LTBP4: variants seen among roughly 807,000 people sequenced by gnomAD.
The protein encoded by LTBP4 is latent-transforming growth factor beta-binding protein 4.
A neutral mutation model predicts 180.2 loss-of-function variants in LTBP4; 93 were observed. The observed-to-expected ratio is 0.52, with a 90% CI of 0.44 to 0.61. The LOEUF is 0.61. Among genes scored for constraint, LTBP4 ranks in the 20% least tolerant of loss-of-function variants. LTBP4 has a pLI of 0.00. For synonymous variants in LTBP4, 947 were observed against 934.5 expected, an observed-to-expected ratio of 1.01 and a Z score of -0.24; for missense variants, 2,116 against 2,256.5, an observed-to-expected ratio of 0.94 and a Z score of 1.26.
At chr19:40,593,269 G>A (rs1339875251) in intron 1 of LTBP4, 4 of 1,517,698 alleles carry the variant, frequency 2.6e-6, no homozygotes. Context: ...TTGAGACAGG[G>A]TCTTGCTTTG....
Position 40,622,345 on chromosome 19 carries a change from T to C in LTBP4, c.3218-56T>C. 6.9e-7 allele frequency: 1 copy of C among 1,452,244 alleles called. No individual in the cohort carries two copies. Among genetic ancestry groups the C allele is most frequent in the Non-Finnish European group, 9.1e-7 (1 of 1,093,214 alleles). The allele number at this position is 1,452,244 out of a possible 1,614,324, so 90.0% of individuals were successfully genotyped here. A position where few individuals can be genotyped will look rare whatever the true frequency, so the allele number is the denominator to read the frequency against. ...CCAGCCTCAGTTTCCCCATCTATGA[T>C]AGTGGCGGGGCTGGGGATTCAGCCC... On this transcript the variant is annotated intron_variant, in intron 22 of 29. Coordinates refer to ENST00000396819, the MANE Select transcript of LTBP4 (RefSeq NM_001042545.2). The surrounding 1 kb of genome is among the most constrained non-coding windows in gnomAD (Gnocchi z 5.1).
chr19:40,623,105 A>C (rs1599876341), intron 24 of LTBP4, 84 bp downstream of exon 24: 1 of 1,010,520 alleles, frequency 9.9e-7, no homozygotes, highest in Non-Finnish European at 1.4e-6. Flanking sequence ...TCTGTCTCTC[A>C]CCCTTTCTGT....
At chr19:40,614,478 C>T in intron 19 of LTBP4, 32 bp downstream of exon 19, 1 of 1,589,256 alleles carries the variant, frequency 6.3e-7, no homozygotes, top group Non-Finnish European at 8.5e-7. Flanking sequence ...TTCGCTAGCG[C>T]TTGCAACGCG....
chr19:40,614,277 C>T, intron 18 of LTBP4, 38 bp from the exon 19 acceptor site: 1 of 1,586,334 alleles, frequency 6.3e-7, no homozygotes, highest in Non-Finnish European at 8.6e-7. Flanking sequence ...TCTTGCCTCC[C>T]TGCTTCCCAC....
rs978561464 is a variant in LTBP4, at chr19:40,621,841, G to A, written c.3218-560G>A. ...TCGGCTCACTGCAACTTCCGCTCCC[G>A]GGTTCAAGCGATTCTCCTGCCTCAG... On this transcript the variant is annotated intron_variant, in intron 22 of 29. Transcript: ENST00000396819. 8.6e-5 allele frequency among the ~76,000 whole-genome samples: 13 copies of A among 151,450 alleles called. No homozygotes were observed. The South Asian group carries it at 1.3e-3, about 15-fold the overall frequency.
rs759088217 is a variant in LTBP4 at position 40,619,373 on chromosome 19, G to A, written c.3097G>A (p.Gly1033Ser). The change falls in exon 22 of 30, where the codon GGT becomes AGT. Residue 1033 changes from glycine (G) to serine (S), a missense_variant. Gly to Ser is a moderately conservative substitution (Grantham distance 56, BLOSUM62 0). Around this residue, in one of 5 missense-constraint regions of LTBP4, gnomAD observed 278 missense variants for 373.0 expected, o/e 0.75. Transcript: ENST00000396819. The stretch of plus-strand genomic sequence containing the variant: ...TGTGAACGAGTGTGAAACACTACAG[G>A]GTGTATGTGGAGCTGCCCTGTGTGA... The part of the protein sequence containing the change: ...VDVNECETLQ[G>S]VCGAALCENV... 7.4e-6 allele frequency: 12 copies of A among 1,613,782 alleles called. No individual in the cohort carries two copies. The South Asian group carries it at 9.9e-5, about 13-fold the overall frequency.
At chr19:40,610,234 G>C (rs1359360060) in intron 11 of LTBP4, 1 of 486,660 alleles carries the variant, frequency 2.1e-6, no homozygotes, top group African/African-American at 2.0e-5. Flanking sequence ...CCGCGACCCC[G>C]ATTCCAACCC....
Position 40,622,762 on chromosome 19 carries a change from C to T in LTBP4, c.3484+95C>T. The T allele has an allele frequency of 1.4e-6, 2 of 1,470,144 alleles. No homozygotes were observed. The highest frequency in any genetic ancestry group is 1.3e-5 in the South Asian group (1 of 74,786). 91.1% of individuals were successfully genotyped at this position (1,470,144 alleles called of 1,614,324 possible). ...GGACAGGGGACACTTTTGGACAGGGCCTTGAGGTACTAGTACTGTCAGGGC... is the reference window on the plus strand; with the variant it reads ...GGACAGGGGACACTTTTGGACAGGGTCTTGAGGTACTAGTACTGTCAGGGC... On this transcript the variant is annotated intron_variant, in intron 23 of 29. Coordinates refer to ENST00000396819, the MANE Select transcript of LTBP4 (RefSeq NM_001042545.2). This position sits in a 1 kb window ranked among gnomAD's most constrained non-coding sequence, Gnocchi z 5.1.
intron 12 of LTBP4, 130 bp downstream of exon 12, chr19:40,610,787 G>C: frequency 2.2e-6 from 3 of 1,361,776 alleles, no homozygotes; most frequent in Non-Finnish European, 2.9e-6. Flanking sequence ...CTCTCGAGCA[G>C]ACGTGTGGCC....
Position 40,623,711 on chromosome 19 carries a change from A to C in LTBP4, c.3664A>C (p.Thr1222Pro), listed in dbSNP as rs751207902. ...CYCSNGYYYHTQRLECIDNDE... is the reference protein window; with the variant it reads ...CYCSNGYYYHPQRLECIDNDE... The stretch of plus-strand genomic sequence containing the variant: ...TTGCAGCAACGGCTACTACTACCAC[A>C]CACAGCGGCTGGAGTGCATCGGTAC... Residue 1222 changes from threonine to proline, a missense_variant, in exon 25 of 30, where the codon ACA (threonine) becomes CCA (proline). Coordinates refer to ENST00000396819, the MANE Select transcript of LTBP4 (RefSeq NM_001042545.2). 2 of 1,613,684 alleles carry C rather than the reference A, an allele frequency of 1.2e-6. No homozygotes were observed. The highest frequency in any genetic ancestry group is 3.3e-5 in the Admixed American group (2 of 59,982).
Position 40,601,552 on chromosome 19 carries a change from C to T in LTBP4, c.165C>T (p.Thr55=). 2.7e-6 allele frequency: 4 copies of T among 1,480,278 alleles called. No individual in the cohort carries two copies. The highest frequency in any genetic ancestry group is 1.5e-5 in the African/African-American group (1 of 68,372). 91.7% of individuals were successfully genotyped at this position (1,480,278 alleles called of 1,614,324 possible). Residue 55 remains threonine, a synonymous_variant, in exon 1 of 30, where the codon ACC becomes ACT. Transcript: ENST00000396819. ...ATGGGCCGACCGGCTCCCGCTGTAC[C>T]CCGACCTGCGCGCCCCGCAACGCCA... ...CVHGPTGSRC[T]PTCAPRNATS...
At chr19:40,610,680 T>C in intron 12 of LTBP4, 23 bp downstream of exon 12, 1 of 1,568,978 alleles carries the variant, frequency 6.4e-7, no homozygotes, top group Non-Finnish European at 8.6e-7. Flanking sequence ...GAGGGGCAGC[T>C]GGGAAGGGGT....
At position 40,609,828 on chromosome 19, in the gene LTBP4, C is replaced by A. The variant is rs751337529; in HGVS notation, c.1641C>A (p.Cys547Ter). 6.2e-7 allele frequency: 1 copy of A among 1,602,766 alleles called. No homozygotes were observed. The highest frequency in any genetic ancestry group is 1.1e-5 in the South Asian group (1 of 90,292). ...ENSPGSFRCV[C>*]GPGFRAGPRA... ...CACCAGGCAGCTTCCGCTGCGTGTG[C>A]GGCCCGGGCTTCCGAGCCGGCCCAC... Residue 547 changes from cysteine to a stop codon, truncating the protein, a stop_gained, in exon 11 of 30, where the codon TGC becomes TGA. Coordinates refer to ENST00000396819, the MANE Select transcript of LTBP4 (RefSeq NM_001042545.2). LOFTEE classifies it high-confidence loss of function. This position sits in a 1 kb window ranked among gnomAD's most constrained non-coding sequence, Gnocchi z 4.9.
Position 40,629,065 on chromosome 19 carries a change from G to C in LTBP4, c.4520-331G>C, listed in dbSNP as rs575742402. Among the ~76,000 whole-genome samples, 5 of 152,074 alleles carry C rather than the reference G, an allele frequency of 3.3e-5. No individual in the cohort carries two copies. The highest frequency in any genetic ancestry group is 1.2e-4 in the African/African-American group (5 of 41,504). On this transcript the variant is annotated intron_variant, in intron 29 of 29. Transcript: ENST00000396819. This position sits in a 1 kb window ranked among gnomAD's most constrained non-coding sequence, Gnocchi z 4.5. ...GGGTCTCACCATGTTGGCCAGGTTC[G>C]TCTCGAACTCCGGCCTCAAGTGATC... is the stretch of plus-strand genomic sequence containing the variant.
intron 15 of LTBP4, among the ~76,000 whole-genome samples, chr19:40,612,580 T>C (rs914929762): frequency 6.6e-6 from 1 of 152,166 alleles, no homozygotes; most frequent in Admixed American, 6.5e-5. Flanking sequence ...GTCCTATCTC[T>C]TTCACAGCCC....
At chr19:40,594,406 C>T (rs945512012) in intron 1 of LTBP4, 2 of 151,678 alleles carry the variant, frequency 1.3e-5, no homozygotes, top group Admixed American at 6.6e-5. Context: ...CTGGGGACTC[C>T]AAATTCTAGG....
chr19:40,601,876 G>A (rs1332320558), intron 1 of LTBP4, among the ~76,000 whole-genome samples: 1 of 152,072 alleles, frequency 6.6e-6, no homozygotes, highest in Non-Finnish European at 1.5e-5. Flanking sequence ...CCCACGTGAG[G>A]GAATTGGCGC....
chr19:40,614,061 G>A (rs1385813572), intron 18 of LTBP4, 23 bp downstream of exon 18: 2 of 1,610,208 alleles, frequency 1.2e-6, no homozygotes, highest in Non-Finnish European at 1.7e-6. Flanking sequence ...GCCCCGGCCT[G>A]ATCCCTCCTC....
At chr19:40,614,206 C>T in intron 18 of LTBP4, 109 bp from the exon 19 acceptor site, 2 of 1,470,910 alleles carry the variant, frequency 1.4e-6, no homozygotes, top group Non-Finnish European at 1.9e-6. Context: ...TTCTCCTGCC[C>T]TCTCCTCTGC....
Sources: allele counts gnomAD v4.1 joint callset (sites outside exome capture counted in the v4.1 genomes callset), GRCh38; gene constraint gnomAD v4.1.1; regional missense constraint gnomAD v4.1.1; non-coding constraint Gnocchi (gnomAD v3.1); transcripts MANE v1.5; gene names NCBI Gene and HGNC (gene_info 2026-07-23, HGNC 2026-07-21).